TEX55: variants seen among roughly 807,000 people sequenced by gnomAD.
The protein encoded by TEX55 is testis expressed 55, also known as testis-specific expressed protein 55.
In TEX55, 31 loss-of-function variants were observed where a neutral mutation model predicts 44.6. That is an observed-to-expected ratio of 0.69 (90% CI 0.52 to 0.94). The LOEUF (loss-of-function observed/expected upper bound fraction) is 0.94. Among genes scored for constraint, TEX55 ranks in the 40% least tolerant of loss-of-function variants. TEX55 has a pLI of 0.00. For synonymous variants in TEX55, 230 were observed against 230.9 expected (o/e 1.00, Z 0.04); for missense variants, 639 against 638.4 (o/e 1.00, Z -0.01).
rs2077779547 is a variant in TEX55, at chr3:119,151,391, T to C, written c.*99T>C. 2.0e-6 allele frequency: 2 copies of C among 978,212 alleles called. No individual in the cohort carries two copies. Among genetic ancestry groups the C allele is most frequent in the Admixed American group, 4.6e-5 (2 of 43,140 alleles). The allele number at this position is 978,212 out of a possible 1,614,324, so 60.6% of individuals were successfully genotyped here. On this transcript the variant is annotated 3_prime_UTR_variant, in exon 3 of 3. Coordinates refer to ENST00000295622, the MANE Select transcript of TEX55 (RefSeq NM_152539.3). ...ACAAAGTACGTACAACTCTGAATTCTTATGAAGTAAACATACCTGTAACTA... is the reference window on the plus strand; with the variant it reads ...ACAAAGTACGTACAACTCTGAATTCCTATGAAGTAAACATACCTGTAACTA...
At position 119,146,838 on chromosome 3, in the gene TEX55, C is replaced by A. The variant is rs145844970; in HGVS notation, c.649C>A (p.Leu217Ile). The change falls in exon 1 of 3, where the codon CTA (leucine) becomes ATA (isoleucine). Residue 217 changes from leucine (L) to isoleucine (I), a missense_variant. Leu to Ile is a conservative substitution (Grantham distance 5). Transcript: ENST00000295622. ...GCAGATTACACACAGATTATCCAAA[C>A]TATCTGAGAGAAGACCTTCTGTGCA... ...SEQITHRLSKLSERRPSVQID... is the reference protein window; with the variant it reads ...SEQITHRLSKISERRPSVQID... 13 of 1,614,152 alleles carry A rather than the reference C, an allele frequency of 8.1e-6. No homozygotes were observed. The highest frequency in any genetic ancestry group is 1.0e-5 in the Non-Finnish European group (12 of 1,180,060).
chr3:119,151,383 C>A lies in TEX55; in HGVS notation c.*91C>A. ...TGTATAGAACAAAGTACGTACAACTCTGAATTCTTATGAAGTAAACATACC... is the reference window on the plus strand; with the variant it reads ...TGTATAGAACAAAGTACGTACAACTATGAATTCTTATGAAGTAAACATACC... On this transcript the variant is annotated 3_prime_UTR_variant, in exon 3 of 3. Coordinates refer to ENST00000295622, the MANE Select transcript of TEX55 (RefSeq NM_152539.3). 9.6e-7 allele frequency: 1 copy of A among 1,040,496 alleles called. No individual in the cohort carries two copies. Among genetic ancestry groups the A allele is most frequent in the Non-Finnish European group, 1.4e-6 (1 of 699,396 alleles). The allele number at this position is 1,040,496 out of a possible 1,614,324, so 64.5% of individuals were successfully genotyped here.
At chr3:119,150,990 T>A (rs1388942299) in intron 2 of TEX55, among the ~76,000 whole-genome samples, 2 of 152,172 alleles carry the variant, frequency 1.3e-5, no homozygotes, top group Non-Finnish European at 2.9e-5. Flanking sequence ...TCCTAGCTAC[T>A]CAGGATGCTG....
In TEX55 at chr3:119,146,447, G is replaced by C; in HGVS notation, c.258G>C (p.Gln86His). The C allele has an allele frequency of 6.2e-7, 1 of 1,614,138 alleles. No homozygotes were observed. The highest frequency in any genetic ancestry group is 8.5e-7 in the Non-Finnish European group (1 of 1,180,036). The change falls in exon 1 of 3, where the codon CAG (glutamine) becomes CAC (histidine). Residue 86 changes from glutamine to histidine, a missense_variant. Transcript: ENST00000295622. ...AAAATGGGCATAGTACACCTGGTCAGGCTGGCCGCAGAGCATCCAACCCTG... is the reference window on the plus strand; with the variant it reads ...AAAATGGGCATAGTACACCTGGTCACGCTGGCCGCAGAGCATCCAACCCTG... ...AEQNGHSTPG[Q>H]AGRRASNPAD...
chr3:119,147,118 T>G lies in TEX55; in HGVS notation c.929T>G (p.Val310Gly), dbSNP rs765425178. ...HKTSVKTHHQ[V>G]YGQATELAEH... is the part of the protein sequence containing the mutation. ...ACATCTGTAAAGACTCACCACCAAGTGTACGGCCAAGCCACTGAACTAGCT... is the reference window on the plus strand; with the variant it reads ...ACATCTGTAAAGACTCACCACCAAGGGTACGGCCAAGCCACTGAACTAGCT... Residue 310 changes from valine to glycine, a missense_variant, in exon 1 of 3, where the codon GTG becomes GGG. Transcript: ENST00000295622. 6.2e-7 allele frequency: 1 copy of G among 1,614,094 alleles called. No homozygotes were observed. Among genetic ancestry groups the G allele is most frequent in the South Asian group, 1.1e-5 (1 of 91,070 alleles).
At position 119,146,535 on chromosome 3, in the gene TEX55, G is replaced by T. The variant is rs763798980; in HGVS notation, c.346G>T (p.Gly116Cys). ...VNQTPSEQTK[G>C]KASSQANNVQ... The stretch of plus-strand genomic sequence containing the variant: ...TCAAACACCGTCTGAACAGACTAAA[G>T]GCAAGGCATCTAGCCAAGCTAATAA... The change falls in exon 1 of 3, where the codon GGC becomes TGC. Residue 116 changes from glycine to cysteine, a missense_variant. Transcript: ENST00000295622. 1 of 1,613,968 alleles carries T rather than the reference G, an allele frequency of 6.2e-7. No individual in the cohort carries two copies. Among genetic ancestry groups the T allele is most frequent in the East Asian group, 2.2e-5 (1 of 44,892 alleles).
chr3:119,146,397 C>T lies in TEX55; in HGVS notation c.208C>T (p.Gln70Ter). 6.2e-7 allele frequency: 1 copy of T among 1,614,168 alleles called. No individual in the cohort carries two copies. The highest frequency in any genetic ancestry group is 8.5e-7 in the Non-Finnish European group (1 of 1,180,028). Residue 70 changes from glutamine to a stop codon, truncating the protein, a stop_gained, in exon 1 of 3, where the codon CAA becomes TAA. Coordinates refer to ENST00000295622, the MANE Select transcript of TEX55 (RefSeq NM_152539.3). LOFTEE classifies it high-confidence loss of function. ...PSQAESSIFSQATNGVAEQNG... is the reference protein window; with the variant it reads ...PSQAESSIFS ...CCAGGCTGAATCCAGCATATTTAGCCAAGCTACCAACGGAGTAGCTGAACA... is the reference window on the plus strand; with the variant it reads ...CCAGGCTGAATCCAGCATATTTAGCTAAGCTACCAACGGAGTAGCTGAACA...
chr3:119,148,220 T>A lies in TEX55; in HGVS notation c.1439T>A (p.Ile480Lys). 1 of 1,611,654 alleles carries A rather than the reference T, an allele frequency of 6.2e-7. No individual in the cohort carries two copies. The highest frequency in any genetic ancestry group is 8.5e-7 in the Non-Finnish European group (1 of 1,178,976). ...SEIDQGKGYH[I>K]RNQTYRRFPS... ...ATTGACCAAGGAAAGGGTTATCATA[T>A]ACGCAATCAAACTTATAGAAGGTTC... The change falls in exon 2 of 3, where the codon ATA (isoleucine) becomes AAA (lysine). Residue 480 changes from isoleucine to lysine, a missense_variant. Coordinates refer to ENST00000295622, the MANE Select transcript of TEX55 (RefSeq NM_152539.3).
Position 119,147,477 on chromosome 3 carries a change from A to G in TEX55, c.1288A>G (p.Ser430Gly), listed in dbSNP as rs761106298. Residue 430 changes from serine to glycine, a missense_variant, in exon 1 of 3, where the codon AGT becomes GGT. Coordinates refer to ENST00000295622, the MANE Select transcript of TEX55 (RefSeq NM_152539.3). ...CAACCCAGTTGATGCCAGATTCACCAGTAACTTCCAAGCAAAAGACCAAGC... is the reference window on the plus strand; with the variant it reads ...CAACCCAGTTGATGCCAGATTCACCGGTAACTTCCAAGCAAAAGACCAAGC... ...PYNPVDARFT[S>G]NFQAKDQALF... The G allele has an allele frequency of 1.9e-6, 3 of 1,614,168 alleles. No homozygotes were observed. Among genetic ancestry groups the G allele is most frequent in the East Asian group, 4.5e-5 (2 of 44,884 alleles).
At chr3:119,147,729 C>A in intron 1 of TEX55, 142 bp downstream of exon 1, 1 of 744,188 alleles carries the variant, frequency 1.3e-6, no homozygotes, top group Non-Finnish European at 2.1e-6. Flanking sequence ...TATGTGTGAC[C>A]CATAATTTCA....
chr3:119,148,691 C>T (rs559671691), intron 2 of TEX55, among the ~76,000 whole-genome samples: 1 of 152,312 alleles, frequency 6.6e-6, no homozygotes, highest in South Asian at 2.1e-4. Flanking sequence ...AAACATGCAT[C>T]ATTAGGCAAT....
chr3:119,147,149 C>T lies in TEX55; in HGVS notation c.960C>T (p.His320=), dbSNP rs2077735711. The T allele has an allele frequency of 6.2e-7, 1 of 1,614,054 alleles. No homozygotes were observed. Among genetic ancestry groups the T allele is most frequent in the South Asian group, 1.1e-5 (1 of 91,088 alleles). The part of the protein sequence containing the change: ...VYGQATELAE[H]QAIDQAHSNA... ...GCCAAGCCACTGAACTAGCTGAACACCAGGCTATTGACCAAGCTCATAGTA... is the reference window on the plus strand; with the variant it reads ...GCCAAGCCACTGAACTAGCTGAACATCAGGCTATTGACCAAGCTCATAGTA... The change falls in exon 1 of 3, where the codon CAC becomes CAT. Residue 320 remains histidine, a synonymous_variant. Coordinates refer to ENST00000295622, the MANE Select transcript of TEX55 (RefSeq NM_152539.3).
In TEX55 at chr3:119,146,763, G is replaced by A. The variant is rs56787024; in HGVS notation, c.574G>A (p.Glu192Lys). ...AGGCCAGTCTGAGAGAAGAGCTTCC[G>A]AGCAGATGGACCGCAGAATGTCTGG... Reference protein sequence around the residue: ...MAGQSERRASEQMDRRMSGEA... With the variant: ...MAGQSERRASKQMDRRMSGEA... The change falls in exon 1 of 3, where the codon GAG becomes AAG. Residue 192 changes from glutamate (E) to lysine (K), a missense_variant. Coordinates refer to ENST00000295622, the MANE Select transcript of TEX55 (RefSeq NM_152539.3). The A allele has an allele frequency of 6.7e-4, 1,079 of 1,614,044 alleles. 14 individuals are homozygous for A. In the African/African-American group the frequency reaches 0.012, roughly 19 times the overall value.
In TEX55 at chr3:119,147,273, T is replaced by C; in HGVS notation, c.1084T>C (p.Tyr362His). Residue 362 changes from tyrosine to histidine, a missense_variant, in exon 1 of 3, where the codon TAC becomes CAC. Coordinates refer to ENST00000295622, the MANE Select transcript of TEX55 (RefSeq NM_152539.3). Reference protein sequence around the residue: ...RQANHKDQLSYYETRGQSEDR... With the variant: ...RQANHKDQLSHYETRGQSEDR... ...AGCTAATCATAAAGACCAGCTGTCTTACTATGAAACACGTGGCCAGTCTGA... is the reference window on the plus strand; with the variant it reads ...AGCTAATCATAAAGACCAGCTGTCTCACTATGAAACACGTGGCCAGTCTGA... The C allele has an allele frequency of 6.2e-7, 1 of 1,614,174 alleles. No homozygotes were observed. The highest frequency in any genetic ancestry group is 8.5e-7 in the Non-Finnish European group (1 of 1,180,034).
intron 2 of TEX55, among the ~76,000 whole-genome samples, 187 bp from the exon 3 acceptor site, chr3:119,151,037 T>C (rs2077776408): frequency 6.6e-6 from 1 of 152,170 alleles, no homozygotes; most frequent in Admixed American, 6.5e-5. Flanking sequence ...AGTTTGAAGC[T>C]GTAGTGAGCT....
intron 1 of TEX55, 122 bp downstream of exon 1, chr3:119,147,709 C>T (rs2077742496): frequency 2.4e-6 from 2 of 847,710 alleles, no homozygotes; most frequent in South Asian, 3.6e-5. Context: ...AATAAACCCA[C>T]ATGTTGTGGT....
chr3:119,149,419 A>G (rs1029401193), intron 2 of TEX55, among the ~76,000 whole-genome samples: 4 of 152,172 alleles, frequency 2.6e-5, no homozygotes, highest in African/African-American at 9.7e-5. Flanking sequence ...AGGCAATAAC[A>G]TGCATGGAGC....
intron 2 of TEX55, among the ~76,000 whole-genome samples, chr3:119,150,507 G>A (rs1391341611): frequency 6.6e-6 from 1 of 151,942 alleles, no homozygotes; most frequent in Non-Finnish European, 1.5e-5. Context: ...TGAGAATTGT[G>A]CTTACTTTAT....
chr3:119,146,215 T>C lies in TEX55; in HGVS notation c.26T>C (p.Leu9Pro), dbSNP rs2077722483. 1 of 1,608,360 alleles carries C rather than the reference T, an allele frequency of 6.2e-7. No homozygotes were observed. Among genetic ancestry groups the C allele is most frequent in the Non-Finnish European group, 8.5e-7 (1 of 1,177,206 alleles). The change falls in exon 1 of 3, where the codon CTG becomes CCG. Residue 9 changes from leucine to proline, a missense_variant. Leu to Pro is a moderately conservative substitution (Grantham distance 98, BLOSUM62 -3). Transcript: ENST00000295622. ...ATGGAAGAGCCTCCGCAAGAGGCTC[T>C]GGCTGAACCCTTGAAACATGAAAGC... MEEPPQEA[L>P]AEPLKHESPA...
Sources: gnomAD v4.1 joint callset for allele counts (sites outside exome capture counted in the v4.1 genomes callset) on GRCh38, gnomAD v4.1.1 for gene constraint, MANE v1.5 for transcripts, NCBI Gene and HGNC (gene_info 2026-07-23, HGNC 2026-07-21) for gene names.